KCNT2: variants seen among roughly 807,000 people sequenced by gnomAD.
KCNT2 encodes the protein potassium sodium-activated channel subfamily T member 2.
A neutral mutation model predicts 153.8 loss-of-function variants in KCNT2; 67 were observed. The ratio of observed to expected loss-of-function variants is 0.44; its 90% CI spans 0.36 to 0.53. The LOEUF (loss-of-function observed/expected upper bound fraction) is 0.53, where lower values mean the gene tolerates loss of function less well. Ranked by LOEUF, KCNT2 falls within the 20% of genes least tolerant of loss-of-function variation. The probability of loss-of-function intolerance (pLI) is 0.00; values close to 1 mark genes in which losing one functional copy is unlikely to be tolerated. For synonymous variants in KCNT2, 500 were observed against 458.8 expected (o/e 1.09, Z -1.15); for missense variants, 975 against 1,354.8 (o/e 0.72, Z 4.40).
At chr1:196,281,582 G>C (rs558933633) in intron 24 of KCNT2, among the ~76,000 whole-genome samples, 1 of 152,190 alleles carries the variant, frequency 6.6e-6, no homozygotes, top group South Asian at 2.1e-4. Context: ...AAATTGTAGT[G>C]CCCCTTTGCT....
intron 1 of KCNT2, among the ~76,000 whole-genome samples, chr1:196,533,687 A>T (rs1249734336): frequency 1.3e-5 from 2 of 152,108 alleles, no homozygotes; most frequent in African/African-American, 4.8e-5. Context: ...GTATTTATTT[A>T]TTCACTCAAT....
intron 13 of KCNT2, among the ~76,000 whole-genome samples, chr1:196,396,428 G>T (rs1670943260): frequency 6.6e-6 from 1 of 151,558 alleles, no homozygotes; most frequent in Non-Finnish European, 1.5e-5. Context: ...ATACAGCATG[G>T]TTTCTTGAGG....
intron 1 of KCNT2, among the ~76,000 whole-genome samples, chr1:196,599,361 C>T (rs1664453800): frequency 1.3e-5 from 2 of 152,218 alleles, no homozygotes; most frequent in South Asian, 4.1e-4. Context: ...CTTGTAATAA[C>T]AATTCATCAT....
intron 3 of KCNT2, among the ~76,000 whole-genome samples, chr1:196,486,188 C>T (rs987575621): frequency 9.2e-5 from 14 of 151,770 alleles, no homozygotes; most frequent in Non-Finnish European, 4.4e-5. Context: ...TTTAAAAATG[C>T]TAAAAGTATT....
rs771051969 is a variant in KCNT2, at chr1:196,326,906, A to G, written c.2104-17T>C. ...TTGGCAACTCTAGAGAAGAGAAAGT[A>G]TACATTGAAATGCCATTTGGATACT... On this transcript the variant is annotated splice_polypyrimidine_tract_variant and intron_variant, in intron 18 of 27. Transcript: ENST00000294725. The G allele has an allele frequency of 2.8e-6, 4 of 1,440,768 alleles. No homozygotes were observed. The highest frequency in any genetic ancestry group is 1.3e-5 in the South Asian group (1 of 74,956). 89.2% of individuals were successfully genotyped at this position (1,440,768 alleles called of 1,614,324 possible).
chr1:196,374,744 G>A (rs983408173), intron 13 of KCNT2, among the ~76,000 whole-genome samples: 1 of 151,716 alleles, frequency 6.6e-6, no homozygotes, highest in African/African-American at 2.4e-5. Flanking sequence ...TGCCCAATCT[G>A]TGAAAATAGA....
At chr1:196,579,171 T>C (rs923669390) in intron 1 of KCNT2, among the ~76,000 whole-genome samples, 1 of 152,106 alleles carries the variant, frequency 6.6e-6, no homozygotes, top group Non-Finnish European at 1.5e-5. Flanking sequence ...TATAGATTAT[T>C]TTCCTTTTTC....
chr1:196,299,855 T>C (rs1022484181), intron 22 of KCNT2, among the ~76,000 whole-genome samples: 3 of 152,206 alleles, frequency 2.0e-5, no homozygotes, highest in African/African-American at 7.2e-5. Flanking sequence ...AACCTAAGTG[T>C]TCATCAATAG....
chr1:196,590,285 G>A (rs866282229), intron 1 of KCNT2, among the ~76,000 whole-genome samples: 3 of 152,092 alleles, frequency 2.0e-5, no homozygotes, highest in Non-Finnish European at 4.4e-5. Flanking sequence ...TGCCAAATGA[G>A]CAAAAATACA....
chr1:196,403,788 G>A (rs1671613084), intron 12 of KCNT2, among the ~76,000 whole-genome samples: 1 of 151,602 alleles, frequency 6.6e-6, no homozygotes, highest in Non-Finnish European at 1.5e-5. Flanking sequence ...AGCATGATCT[G>A]TAGAGTCACA....
chr1:196,293,068 G>A (rs1326920846), intron 22 of KCNT2, among the ~76,000 whole-genome samples: 4 of 151,664 alleles, frequency 2.6e-5, no homozygotes, highest in African/African-American at 7.3e-5. Flanking sequence ...TAATCAAAGA[G>A]GTAAAAGATC....
At chr1:196,326,610 A>G (rs1046723952) in intron 19 of KCNT2, 107 bp downstream of exon 19, 80 of 562,358 alleles carry the variant, frequency 1.4e-4, no homozygotes, top group Non-Finnish European at 2.2e-4. Context: ...ACCATAATGT[A>G]TCTGATTTAA....
intron 21 of KCNT2, among the ~76,000 whole-genome samples, chr1:196,305,851 G>T (rs960531794): frequency 1.3e-5 from 2 of 152,030 alleles, no homozygotes; most frequent in Non-Finnish European, 2.9e-5. Context: ...AATAATTTAT[G>T]TAAAACTTCA....
At chr1:196,306,795 A>C (rs1661679694) in intron 21 of KCNT2, among the ~76,000 whole-genome samples, 1 of 151,854 alleles carries the variant, frequency 6.6e-6, no homozygotes, top group South Asian at 2.1e-4. Flanking sequence ...ATTAGCACAA[A>C]TGGACTAACA....
intron 21 of KCNT2, 39 bp from the exon 22 acceptor site, chr1:196,305,384 C>A (rs746584221): frequency 9.4e-7 from 1 of 1,058,404 alleles, no homozygotes. Flanking sequence ...ACTAACAATC[C>A]AATATGGTAT....
chr1:196,441,171 A>T (rs868188754), intron 8 of KCNT2, among the ~76,000 whole-genome samples: 44 of 152,018 alleles, frequency 2.9e-4, no homozygotes, highest in African/African-American at 1.0e-3. Flanking sequence ...GTTAAATCTT[A>T]TTAAGAATAA....
At chr1:196,472,971 A>C (rs1678225402) in intron 5 of KCNT2, among the ~76,000 whole-genome samples, 1 of 152,190 alleles carries the variant, frequency 6.6e-6, no homozygotes, top group African/African-American at 2.4e-5. Flanking sequence ...CAAAGACAAA[A>C]ATGTGATTAT....
At chr1:196,497,044 G>A (rs923088697) in intron 1 of KCNT2, among the ~76,000 whole-genome samples, 9 of 152,082 alleles carry the variant, frequency 5.9e-5, no homozygotes, top group African/African-American at 2.2e-4. Flanking sequence ...TTACTACATT[G>A]ACTAGCACTT....
chr1:196,495,045 C>A (rs1680150106), intron 1 of KCNT2, among the ~76,000 whole-genome samples: 1 of 151,814 alleles, frequency 6.6e-6, no homozygotes, highest in Non-Finnish European at 1.5e-5. Context: ...TTTCCTAATC[C>A]CAATCTAATT....
Sources: allele counts gnomAD v4.1 joint callset (sites outside exome capture counted in the v4.1 genomes callset), GRCh38; gene constraint gnomAD v4.1.1; transcripts MANE v1.5; gene names NCBI Gene and HGNC (gene_info 2026-07-23, HGNC 2026-07-21).